PLEKHG1: variants seen among roughly 807,000 people sequenced by gnomAD.
The protein encoded by PLEKHG1 is pleckstrin homology and RhoGEF domain containing G1.
In PLEKHG1, 44 loss-of-function variants were observed where a neutral mutation model predicts 100.8. That is an observed-to-expected ratio of 0.44 (90% CI 0.34 to 0.56). The LOEUF (loss-of-function observed/expected upper bound fraction) is 0.56, where lower values mean the gene tolerates loss of function less well. Ranked by LOEUF, PLEKHG1 falls within the 20% of genes least tolerant of loss-of-function variation. PLEKHG1 has a pLI of 0.01. For synonymous variants in PLEKHG1, 640 were observed against 662.5 expected (o/e 0.97, Z 0.52); for missense variants, 1,545 against 1,720.9 (o/e 0.90, Z 1.81).
chr6:150,733,697 A>G (rs1719729292), exon 2 of PLEKHG1: 2 of 1,614,076 alleles, frequency 1.2e-6, no homozygotes, highest in East Asian at 2.2e-5. Context: ...GCTCTCTGAT[A>G]GTGACCGACC....
rs1776317552 is a variant in PLEKHG1, at chr6:150,600,753, A to C, written c.-204+736A>C. ...TCGCCCCTTTTGTGTCCTCGCGGTG[A>C]GCCCCGTTCCGAAGCCGGAAGCTTG... On this transcript the variant is annotated intron_variant, in intron 1 of 3. Transcript: ENST00000367326. This position sits in a 1 kb window ranked among gnomAD's most constrained non-coding sequence, Gnocchi z 6.2. The C allele has an allele frequency of 6.6e-6, 1 of 152,234 alleles. No homozygotes were observed. The highest frequency in any genetic ancestry group is 2.4e-5 in the African/African-American group (1 of 41,444). 9.4% of individuals were successfully genotyped at this position (152,234 alleles called of 1,614,324 possible).
intron 3 of PLEKHG1, among the ~76,000 whole-genome samples, chr6:150,677,144 T>C (rs1779783344): frequency 6.6e-6 from 1 of 152,196 alleles, no homozygotes; most frequent in African/African-American, 2.4e-5. Context: ...TTGAGAGTTG[T>C]CTTTTCAAAA....
In PLEKHG1 at chr6:150,683,705, A is replaced by G. The variant is rs559075840; in HGVS notation, c.-99+32919A>G. On this transcript the variant is annotated intron_variant, in intron 3 of 3. Coordinates refer to the PLEKHG1 transcript ENST00000367326. This position sits in a 1 kb window ranked among gnomAD's most constrained non-coding sequence, Gnocchi z 4.0. Reference sequence around the variant, plus strand: ...ATGATGCTGTTCAACTTGAACCCTGAGTTGACACACGGACCCCTCTGCGCT... The same window carrying G: ...ATGATGCTGTTCAACTTGAACCCTGGGTTGACACACGGACCCCTCTGCGCT... The G allele has an allele frequency of 2.1e-4, 207 of 983,596 alleles. No individual in the cohort carries two copies. In the African/African-American group the frequency reaches 3.2e-3, roughly 15 times the overall value. The allele number at this position is 983,596 out of a possible 1,614,324, so 60.9% of individuals were successfully genotyped here.
chr6:150,730,855 T>G (rs1447164026), intron 1 of PLEKHG1, among the ~76,000 whole-genome samples: 1 of 150,940 alleles, frequency 6.6e-6, no homozygotes, highest in East Asian at 2.0e-4. Context: ...TGAGCTGAGA[T>G]CATACCATTG....
At chr6:150,841,362 G>T in exon 16 of PLEKHG1, 1 of 217,438 alleles carries the variant, frequency 4.6e-6, no homozygotes, top group Non-Finnish European at 9.3e-6. Context: ...TTATATTTGT[G>T]GTAACACCTT....
At chr6:150,687,858 C>T (rs9478780) in intron 3 of PLEKHG1, among the ~76,000 whole-genome samples, 43,207 of 151,982 alleles carry the variant, frequency 0.28, 7,755 homozygotes, top group African/African-American at 0.51. Context: ...TTTTAGGCAG[C>T]GGCATGCTCT....
At chr6:150,799,600 T>C (rs1285833748) in intron 5 of PLEKHG1, among the ~76,000 whole-genome samples, 1 of 152,232 alleles carries the variant, frequency 6.6e-6, no homozygotes, top group Non-Finnish European at 1.5e-5. Flanking sequence ...ATTCTGACTC[T>C]AAAGAACCTT....
chr6:150,603,079 C>CAAAAAAAAAAAAAAAAA (rs71554469), intron 1 of PLEKHG1, among the ~76,000 whole-genome samples: 2 of 70,312 alleles, frequency 2.8e-5, no homozygotes, highest in African/African-American at 5.3e-5. Context: ...GACTCCGTCT[C>CAAAAAAAAAAAAAAAAA]AAAAAAAAAA....
At chr6:150,801,882 G>C (rs146805623) in intron 6 of PLEKHG1, among the ~76,000 whole-genome samples, 7 of 152,306 alleles carry the variant, frequency 4.6e-5, no homozygotes, top group African/African-American at 1.4e-4. Flanking sequence ...TTAGAAACAG[G>C]GCTCTGGGAA....
At chr6:150,699,228 A>G (rs987131093) in intron 3 of PLEKHG1, among the ~76,000 whole-genome samples, 2 of 152,192 alleles carry the variant, frequency 1.3e-5, no homozygotes, top group African/African-American at 4.8e-5. Context: ...GCAGTTTCTT[A>G]TAGATTTATA....
chr6:150,813,852 A>T (rs1562543722), intron 10 of PLEKHG1, among the ~76,000 whole-genome samples: 1 of 152,138 alleles, frequency 6.6e-6, no homozygotes, highest in Non-Finnish European at 1.5e-5. Flanking sequence ...TGGGTGGATT[A>T]TTCACATGGA....
At chr6:150,727,604 C>CAAAAA (rs59430978) in intron 1 of PLEKHG1, among the ~76,000 whole-genome samples, 2 of 144,368 alleles carry the variant, frequency 1.4e-5, no homozygotes, top group African/African-American at 5.0e-5. Flanking sequence ...AAGGATGGCA[C>CAAAAA]AAAAAAAAAA....
chr6:150,821,878 G>T (rs1264135355), intron 13 of PLEKHG1, among the ~76,000 whole-genome samples: 2 of 148,590 alleles, frequency 1.3e-5, no homozygotes, highest in African/African-American at 4.9e-5. Flanking sequence ...TCTTGCTCTT[G>T]TTGCCCAGGC....
intron 7 of PLEKHG1, among the ~76,000 whole-genome samples, chr6:150,805,520 A>C (rs1199116978): frequency 6.7e-6 from 1 of 149,076 alleles, no homozygotes; most frequent in Non-Finnish European, 1.5e-5. Flanking sequence ...CCAGCATGTC[A>C]TTTCGGTTTC....
In PLEKHG1 at chr6:150,809,298, A is replaced by T; in HGVS notation, c.1095+11A>T. The T allele has an allele frequency of 6.2e-7, 1 of 1,612,862 alleles. No individual in the cohort carries two copies. The highest frequency in any genetic ancestry group is 1.1e-5 in the South Asian group (1 of 91,078). On this transcript the variant is annotated intron_variant, in intron 8 of 15. Coordinates refer to ENST00000358517, the Ensembl canonical transcript of PLEKHG1. ...AAAGCTCACATCCTGGTAGGTCTGC[A>T]CGCTGGCCATGGGCAGGGACTCAGA...
At chr6:150,742,236 C>T (rs1475542511) in intron 2 of PLEKHG1, among the ~76,000 whole-genome samples, 2 of 152,148 alleles carry the variant, frequency 1.3e-5, no homozygotes, top group African/African-American at 4.8e-5. Context: ...CCAACCATGG[C>T]AGAAGGCGAA....
chr6:150,780,704 A>T (rs1037969928), intron 3 of PLEKHG1, among the ~76,000 whole-genome samples: 9 of 152,202 alleles, frequency 5.9e-5, no homozygotes, highest in African/African-American at 2.2e-4. Flanking sequence ...AGTAATTCTC[A>T]ATTGCTGAAA....
At chr6:150,764,629 T>C (rs1322123008) in intron 2 of PLEKHG1, among the ~76,000 whole-genome samples, 1 of 152,204 alleles carries the variant, frequency 6.6e-6, no homozygotes, top group Non-Finnish European at 1.5e-5. Context: ...CTGGCTGGCC[T>C]GAAATCTAGC....
rs1013014601 is a variant in PLEKHG1 at position 150,831,155 on chromosome 6, A to T, written c.2044A>T (p.Thr682Ser). ...TGCTAAGCGGGAAGAAGCTGAATCC[A>T]CTCCCTCTAAATCAGCCAGGGACTC... Residue 682 changes from threonine (T) to serine (S), a missense_variant, in exon 15 of 16, where the codon ACT (threonine) becomes TCT (serine). By Grantham distance (58) the Thr-to-Ser change is moderately conservative. Transcript: ENST00000358517. The surrounding 1 kb of genome is among the most constrained non-coding windows in gnomAD (Gnocchi z 4.1). The T allele has an allele frequency of 4.3e-6, 7 of 1,613,486 alleles. No homozygotes were observed. In the East Asian group the frequency reaches 1.3e-4, roughly 31 times the overall value.
Sources: allele counts gnomAD v4.1 joint callset (sites outside exome capture counted in the v4.1 genomes callset), GRCh38; gene constraint gnomAD v4.1.1; non-coding constraint Gnocchi (gnomAD v3.1); transcripts MANE v1.5; gene names NCBI Gene and HGNC (gene_info 2026-07-23, HGNC 2026-07-21).